The following SMOC2 variants were observed in gnomAD, a reference collection of about 807,000 sequenced individuals.
SMOC2 encodes the protein SPARC-related modular calcium-binding protein 2.
A neutral mutation model predicts 61.4 loss-of-function variants in SMOC2; 39 were observed. That is an observed-to-expected ratio of 0.64 (90% CI 0.49 to 0.83). SMOC2 has a LOEUF of 0.83. SMOC2 is among the 40% of genes least tolerant of loss of function. The pLI is 0.00. For missense variants in SMOC2, 556 were observed against 592.9 expected, an observed-to-expected ratio of 0.94 and a Z score of 0.65; for synonymous variants, 247 against 239.9, an observed-to-expected ratio of 1.03 and a Z score of -0.27.
At chr6:168,454,068 C>T (rs886735075) in intron 1 of SMOC2, among the ~76,000 whole-genome samples, 2 of 152,124 alleles carry the variant, frequency 1.3e-5, no homozygotes, top group Admixed American at 6.5e-5. Context: ...CTCTGTGTCT[C>T]TCTTACTCTA....
chr6:168,613,658 AGCCTCTTCACACCTACAGCCAGCACAGG>A (rs1562382337), intron 9 of SMOC2, among the ~76,000 whole-genome samples: 38 of 75,890 alleles, frequency 5.0e-4, no homozygotes, highest in South Asian at 2.0e-3. Context: ...CAGCACATGG[AGCCTCTTCACACCTACAGCCAGCACAGG>A]GCCTCTTCAC....
At chr6:168,468,140 T>C (rs1781886226) in intron 1 of SMOC2, among the ~76,000 whole-genome samples, 1 of 152,210 alleles carries the variant, frequency 6.6e-6, no homozygotes, top group Non-Finnish European at 1.5e-5. Flanking sequence ...GGCTTTCTTG[T>C]TGAGTCAGTG....
At chr6:168,599,322 T>C (rs1583147111) in intron 8 of SMOC2, among the ~76,000 whole-genome samples, 10 of 78,626 alleles carry the variant, frequency 1.3e-4, no homozygotes, top group Admixed American at 3.0e-4. Flanking sequence ...CCCACACTGT[T>C]TCACACACAC....
chr6:168,469,473 C>G (rs1238551362), intron 1 of SMOC2, among the ~76,000 whole-genome samples: 1 of 152,192 alleles, frequency 6.6e-6, no homozygotes, highest in African/African-American at 2.4e-5. Flanking sequence ...GTTGGTTGAA[C>G]TTCAGGGATC....
chr6:168,549,428 T>C (rs1221842410), intron 7 of SMOC2, among the ~76,000 whole-genome samples: 1 of 152,198 alleles, frequency 6.6e-6, no homozygotes, highest in Non-Finnish European at 1.5e-5. Flanking sequence ...AGTTAACACA[T>C]AGTTTGTATG....
rs145314812 is a variant in SMOC2, at chr6:168,536,965, G to T, written c.464-6660G>T. On this transcript the variant is annotated intron_variant, in intron 4 of 12. Coordinates refer to ENST00000356284, the MANE Select transcript of SMOC2 (RefSeq NM_001166412.2). ...ACCCTGGCAGGGTCGGGGCAGCAGG[G>T]TCGGGGCTCCTGCCAGTGTCAGGAC... Among the ~76,000 whole-genome samples, 778 of 152,294 alleles carry T rather than the reference G, an allele frequency of 5.1e-3. 4 individuals carry two copies. Among genetic ancestry groups the T allele is most frequent in the South Asian group, 0.028 (133 of 4,824 alleles).
chr6:168,451,229 T>C (rs76821012), intron 1 of SMOC2, among the ~76,000 whole-genome samples: 5,985 of 152,252 alleles, frequency 0.039, 168 homozygotes, highest in South Asian at 0.13. Flanking sequence ...AAATGCTAAA[T>C]TGAACTCCCG....
intron 2 of SMOC2, among the ~76,000 whole-genome samples, chr6:168,514,107 C>G (rs180688869): frequency 6.6e-6 from 1 of 152,272 alleles, no homozygotes; most frequent in Non-Finnish European, 1.5e-5. Flanking sequence ...CACAGGACCC[C>G]AAAGTGCCGA....
At chr6:168,540,262 C>T (rs576997056) in intron 4 of SMOC2, among the ~76,000 whole-genome samples, 1 of 152,328 alleles carries the variant, frequency 6.6e-6, no homozygotes, top group African/African-American at 2.4e-5. Flanking sequence ...CTGAGGGCTG[C>T]AGGCCATTTG....
At chr6:168,550,267 A>G (rs1784099819) in intron 7 of SMOC2, among the ~76,000 whole-genome samples, 1 of 152,222 alleles carries the variant, frequency 6.6e-6, no homozygotes, top group South Asian at 2.1e-4. Flanking sequence ...AAAAATTGCA[A>G]ACATTCACAG....
chr6:168,569,853 T>G, intron 7 of SMOC2, among the ~76,000 whole-genome samples: 1 of 152,232 alleles, frequency 6.6e-6, no homozygotes, highest in African/African-American at 2.4e-5. Context: ...GTTTTCCACT[T>G]TGAGGAAGTC....
chr6:168,545,664 C>G (rs907339270), intron 5 of SMOC2, among the ~76,000 whole-genome samples: 1 of 152,212 alleles, frequency 6.6e-6, no homozygotes, highest in African/African-American at 2.4e-5. Context: ...CATTACTCAC[C>G]CTGTCCTCAG....
rs565250281 is a variant in SMOC2 at position 168,505,453 on chromosome 6, T to C, written c.85-4462T>C. Among the ~76,000 whole-genome samples the C allele has an allele frequency of 3.0e-4, 45 of 151,726 alleles. No individual in the cohort carries two copies. In the South Asian group the frequency reaches 7.7e-3, roughly 26 times the overall value. On this transcript the variant is annotated intron_variant, in intron 1 of 12. Transcript: ENST00000356284. ...ATGCTGGATGAATGACTGAATGAAA[T>C]GTCCATCTCTCAGATGCCGGATGAA...
intron 12 of SMOC2, 69 bp from the exon 13 acceptor site, chr6:168,666,352 C>G: frequency 6.3e-7 from 1 of 1,596,784 alleles, no homozygotes; most frequent in South Asian, 1.1e-5. Context: ...GAAGCCAAGC[C>G]TTAGTCTTCA....
At chr6:168,651,951 G>A (rs1787205248) in intron 10 of SMOC2, among the ~76,000 whole-genome samples, 1 of 150,188 alleles carries the variant, frequency 6.7e-6, no homozygotes, top group Non-Finnish European at 1.5e-5. Flanking sequence ...TAAGGCAGGA[G>A]AATCACTTGA....
At chr6:168,622,058 C>T (rs552400032) in intron 9 of SMOC2, among the ~76,000 whole-genome samples, 102 of 152,132 alleles carry the variant, frequency 6.7e-4, no homozygotes, top group African/African-American at 1.4e-3. Flanking sequence ...CTCCGCCTCC[C>T]GGGTTCACGC....
intron 2 of SMOC2, among the ~76,000 whole-genome samples, chr6:168,510,733 C>T (rs1352810954): frequency 6.6e-6 from 1 of 152,210 alleles, no homozygotes; most frequent in Admixed American, 6.5e-5. Context: ...AACAAAACAG[C>T]AGCCACACTG....
chr6:168,509,193 G>A (rs1384326509), intron 1 of SMOC2, among the ~76,000 whole-genome samples: 1 of 152,214 alleles, frequency 6.6e-6, no homozygotes, highest in Non-Finnish European at 1.5e-5. Context: ...GCAGGAGGGA[G>A]ATGAAGGGCC....
intron 9 of SMOC2, among the ~76,000 whole-genome samples, chr6:168,649,470 C>T (rs916322508): frequency 7.9e-5 from 12 of 152,162 alleles, no homozygotes; most frequent in Admixed American, 3.3e-4. Flanking sequence ...GGGACGCTGT[C>T]CCTCCAGGGC....
Sources: gnomAD v4.1 joint callset for allele counts (sites outside exome capture counted in the v4.1 genomes callset) on GRCh38, gnomAD v4.1.1 for gene constraint, MANE v1.5 for transcripts, NCBI Gene and HGNC (gene_info 2026-07-23, HGNC 2026-07-21) for gene names.